Variants in APC observed in about 807,000 individuals in gnomAD.
APC encodes the protein APC regulator of Wnt signaling pathway.
In APC, 72 loss-of-function variants were observed where a neutral mutation model predicts 247.0. That is an observed-to-expected ratio of 0.29 (90% CI 0.24 to 0.35). APC has a LOEUF of 0.35. APC is among the 10% of genes least tolerant of loss of function. The pLI is 1.00. For synonymous variants in APC, 1,254 were observed against 1,162.5 expected (o/e 1.08, Z -1.60); for missense variants, 3,400 against 3,360.7 (o/e 1.01, Z -0.29).
chr5:112,761,000 G>A (rs796585818), intron 2 of APC, among the ~76,000 whole-genome samples: 2 of 152,114 alleles, frequency 1.3e-5, no homozygotes, highest in African/African-American at 2.4e-5. Context: ...TAGTAGAGAC[G>A]GGGTTTCACT....
At chr5:112,743,528 G>C (rs1303816515) in intron 1 of APC, among the ~76,000 whole-genome samples, 3 of 152,086 alleles carry the variant, frequency 2.0e-5, no homozygotes, top group Non-Finnish European at 2.9e-5. Flanking sequence ...TTAAAGCATA[G>C]TATAATATAT....
intron 7 of APC, among the ~76,000 whole-genome samples, chr5:112,800,705 A>T (rs1760728074): frequency 6.6e-6 from 1 of 152,030 alleles, no homozygotes; most frequent in Non-Finnish European, 1.5e-5. Context: ...CTTTTACTGG[A>T]TGTAATCTGT....
intron 4 of APC, among the ~76,000 whole-genome samples, chr5:112,772,780 G>T (rs562081902): frequency 1.3e-5 from 2 of 152,276 alleles, no homozygotes; most frequent in East Asian, 3.9e-4. Context: ...GCCTCCCAAA[G>T]TACTGGGATT....
intron 1 of APC, among the ~76,000 whole-genome samples, chr5:112,709,209 T>C (rs1374558985): frequency 6.6e-6 from 1 of 152,252 alleles, no homozygotes; most frequent in African/African-American, 2.4e-5. Context: ...TAGAATTGTA[T>C]GTTAAAAATT....
In APC at chr5:112,819,136, A is replaced by G. The variant is rs752507116; in HGVS notation, c.1104A>G (p.Val368=). Residue 368 remains valine, a synonymous_variant, in exon 10 of 16, where the codon GTA becomes GTG. Coordinates refer to ENST00000257430, the MANE Select transcript of APC (RefSeq NM_000038.6). ...TACATGGCAATGACAAAGACTCTGT[A>G]TTGTTGGGAAATTCCCGGGGCAGTA... ...QLLHGNDKDS[V]LLGNSRGSKE... 1 of 1,614,008 alleles carries G rather than the reference A, an allele frequency of 6.2e-7. No individual in the cohort carries two copies. Among genetic ancestry groups the G allele is most frequent in the Non-Finnish European group, 8.5e-7 (1 of 1,179,990 alleles).
intron 1 of APC, among the ~76,000 whole-genome samples, chr5:112,716,865 G>C (rs1751200853): frequency 6.6e-6 from 1 of 152,108 alleles, no homozygotes; most frequent in Admixed American, 6.5e-5. Flanking sequence ...ATTATAGTTT[G>C]ATCTTCTTTT....
intron 4 of APC, among the ~76,000 whole-genome samples, chr5:112,768,139 G>A (rs930493706): frequency 2.0e-5 from 3 of 150,920 alleles, no homozygotes; most frequent in Non-Finnish European, 4.4e-5. Flanking sequence ...TGCCTCCCAG[G>A]TTCAAGCGAT....
chr5:112,740,524 C>CTTTTTTTTTTTT (rs11286305), intron 1 of APC, among the ~76,000 whole-genome samples: 7 of 99,134 alleles, frequency 7.1e-5, no homozygotes, highest in East Asian at 3.2e-4. Context: ...GTTTTTTTTT[C>CTTTTTTTTTTTT]TTTTTTTTTT....
intron 1 of APC, among the ~76,000 whole-genome samples, chr5:112,754,526 A>T (rs1211400442): frequency 6.6e-6 from 1 of 152,154 alleles, no homozygotes; most frequent in Admixed American, 6.5e-5. Flanking sequence ...TATCATAATT[A>T]TATTTCCTAA....
chr5:112,794,623 G>A (rs777656414), intron 7 of APC, among the ~76,000 whole-genome samples: 6 of 152,078 alleles, frequency 3.9e-5, no homozygotes, highest in East Asian at 3.9e-4. Context: ...CCCCGTGTGC[G>A]TGTGCTGTGG....
At chr5:112,737,062 G>A (rs1261447733), upstream of APC, among the ~76,000 whole-genome samples, 2 of 152,098 alleles carry the variant, frequency 1.3e-5, no homozygotes, top group East Asian at 3.9e-4. Context: ...CATAAAATTG[G>A]GAATTTAAGC....
intron 10 of APC, 121 bp downstream of exon 10, chr5:112,819,465 C>T (rs1762891184): frequency 1.6e-6 from 2 of 1,283,024 alleles, no homozygotes; most frequent in South Asian, 1.3e-5. Context: ...TTCATATCAG[C>T]CATTTGTGCT....
intron 2 of APC, among the ~76,000 whole-genome samples, chr5:112,759,335 A>AT (rs1755376892): frequency 6.8e-6 from 1 of 146,402 alleles, no homozygotes; most frequent in Non-Finnish European, 1.5e-5. Context: ...CTAATGAATA[A>AT]TTTTCTTTCT....
At chr5:112,733,008 A>G (rs1433230902), upstream of APC, among the ~76,000 whole-genome samples, 1 of 152,216 alleles carries the variant, frequency 6.6e-6, no homozygotes, top group Non-Finnish European at 1.5e-5. Flanking sequence ...GCCTTAGAAA[A>G]GTTAAATGAC....
At chr5:112,772,453 C>T (rs1757159771) in intron 4 of APC, among the ~76,000 whole-genome samples, 2 of 152,084 alleles carry the variant, frequency 1.3e-5, no homozygotes, top group African/African-American at 4.8e-5. Flanking sequence ...CCCTAACCTC[C>T]CCCTTACTTC....
At chr5:112,738,900 T>A (rs1752653084) in intron 1 of APC, among the ~76,000 whole-genome samples, 1 of 152,260 alleles carries the variant, frequency 6.6e-6, no homozygotes, top group African/African-American at 2.4e-5. Context: ...ATACGAAATC[T>A]TAATAAATTA....
intron 1 of APC, among the ~76,000 whole-genome samples, chr5:112,744,385 A>T (rs1322853395): frequency 6.6e-6 from 1 of 152,146 alleles, no homozygotes; most frequent in Non-Finnish European, 1.5e-5. Context: ...TTTGTCTTTT[A>T]TATGGCTGTC....
chr5:112,808,333 G>A (rs1252318478), intron 8 of APC, among the ~76,000 whole-genome samples: 4 of 152,120 alleles, frequency 2.6e-5, no homozygotes, highest in South Asian at 4.1e-4. Context: ...TCCATGAATA[G>A]GAATTAGTAT....
intron 1 of APC, among the ~76,000 whole-genome samples, chr5:112,717,824 T>C (rs1313092880): frequency 2.0e-5 from 3 of 151,616 alleles, no homozygotes; most frequent in Non-Finnish European, 4.4e-5. Context: ...CTTCATATTC[T>C]GTCTCCTGTC....
Sources: allele counts gnomAD v4.1 joint callset (sites outside exome capture counted in the v4.1 genomes callset), GRCh38; gene constraint gnomAD v4.1.1; transcripts MANE v1.5; gene names NCBI Gene and HGNC (gene_info 2026-07-23, HGNC 2026-07-21).